Variants in PRL observed in about 807,000 individuals in gnomAD.
PRL encodes the protein decidual prolactin.
A neutral mutation model predicts 21.3 loss-of-function variants in PRL; 24 were observed. The ratio of observed to expected loss-of-function variants is 1.13; its 90% CI spans 0.82 to 1.59. The LOEUF is 1.59. Among genes scored for constraint, PRL ranks in the 40% most tolerant of loss-of-function variants. The pLI, the probability that PRL is intolerant of heterozygous loss-of-function variation, is 0.00. For synonymous variants in PRL, 118 were observed against 115.7 expected (o/e 1.02, Z -0.13); for missense variants, 243 against 286.9 (o/e 0.85, Z 1.10).
chr6:22,294,383 G>C (rs2113511141), intron 2 of PRL, 26 bp downstream of exon 2: 1 of 1,613,262 alleles, frequency 6.2e-7, no homozygotes, highest in South Asian at 1.1e-5. Flanking sequence ...CTCCTTCAGG[G>C]AGGAAGCCAG....
chr6:22,292,782 A>C (rs971790100), intron 2 of PRL, 137 bp from the exon 3 acceptor site: 1 of 684,214 alleles, frequency 1.5e-6, no homozygotes, highest in Admixed American at 3.4e-5. Context: ...AAAACTAAAG[A>C]ATTAAGAAAG....
At chr6:22,289,586 G>A (rs1761004225) in intron 4 of PRL, among the ~76,000 whole-genome samples, 1 of 152,132 alleles carries the variant, frequency 6.6e-6, no homozygotes, top group Non-Finnish European at 1.5e-5. Context: ...TTCCAGAAAA[G>A]GTATATCTCC....
chr6:22,294,468 G>C lies in PRL; in HGVS notation c.145C>G (p.Arg49Gly), dbSNP rs1413761259. 1 of 1,614,032 alleles carries C rather than the reference G, an allele frequency of 6.2e-7. No individual in the cohort carries two copies. The highest frequency in any genetic ancestry group is 1.3e-5 in the African/African-American group (1 of 74,918). ...CQVTLRDLFD[R>G]AVVLSHYIHN... is the part of the protein sequence containing the mutation. Reference sequence around the variant, plus strand: ...ATGTAGTGGGACAGGACGACGGCGCGGTCAAACAGGTCTCGAAGGGTCACC... The same window carrying C: ...ATGTAGTGGGACAGGACGACGGCGCCGTCAAACAGGTCTCGAAGGGTCACC... The change falls in exon 2 of 5, where the codon CGC (arginine) becomes GGC (glycine). Residue 49 changes from arginine (R) to glycine (G), a missense_variant. Coordinates refer to ENST00000306482, the MANE Select transcript of PRL (RefSeq NM_000948.6).
rs770094310 is a variant in PRL at position 22,290,256 on chromosome 6, G to A, written c.410C>T (p.Pro137Leu). The A allele has an allele frequency of 7.4e-6, 12 of 1,612,902 alleles. No individual in the cohort carries two copies. Among genetic ancestry groups the A allele is most frequent in the Admixed American group, 1.7e-5 (1 of 59,984 alleles). Residue 137 changes from proline to leucine, a missense_variant, in exon 4 of 5, where the codon CCG becomes CTG. Physicochemically the swap from Pro to Leu is moderately conservative, Grantham distance 98. Coordinates refer to ENST00000306482, the MANE Select transcript of PRL (RefSeq NM_000948.6). ...TACAGCTTTGGATAGGATAGCCTCC[G>A]GGGCTTCTTGCATACCACGTACTTC... The part of the protein sequence containing the change: ...VTEVRGMQEA[P>L]EAILSKAVEI...
rs144133551 is a variant in PRL, at chr6:22,288,116, T to C, written c.493-523A>G. Among the ~76,000 whole-genome samples the C allele has an allele frequency of 7.6e-4, 116 of 152,276 alleles. No individual in the cohort carries two copies. The highest frequency in any genetic ancestry group is 2.4e-3 in the African/African-American group (99 of 41,538). ...ATGCTTTGGGGTACAGATAATTTAG[T>C]GATGACCATGACTAAGAAAAGCTGC... is the stretch of plus-strand genomic sequence containing the variant. On this transcript the variant is annotated intron_variant, in intron 4 of 4. Coordinates refer to ENST00000306482, the MANE Select transcript of PRL (RefSeq NM_000948.6). This position sits in a 1 kb window ranked among gnomAD's most constrained non-coding sequence, Gnocchi z 4.5.
At chr6:22,295,951 A>C (rs1761164195) in intron 1 of PRL, among the ~76,000 whole-genome samples, 1 of 152,348 alleles carries the variant, frequency 6.6e-6, no homozygotes, top group Non-Finnish European at 1.5e-5. Flanking sequence ...TTGTAAAATA[A>C]AATTTTTGTT....
upstream of PRL, among the ~76,000 whole-genome samples, chr6:22,297,764 A>G (rs1345916701): frequency 1.3e-5 from 2 of 152,224 alleles, no homozygotes; most frequent in East Asian, 3.8e-4. Context: ...AGAAGCTTGG[A>G]GAGACTAAAG....
At chr6:22,299,469 T>C (rs1444321783), upstream of PRL, among the ~76,000 whole-genome samples, 2 of 152,246 alleles carry the variant, frequency 1.3e-5, no homozygotes, top group Non-Finnish European at 2.9e-5. Flanking sequence ...AAAGTTTGTA[T>C]TTTCTTTTGT....
upstream of PRL, among the ~76,000 whole-genome samples, chr6:22,299,525 C>T (rs187666618): frequency 2.6e-5 from 4 of 152,196 alleles, no homozygotes; most frequent in East Asian, 1.9e-4. Context: ...TCTTCTGTCA[C>T]GTATGAAGCA....
chr6:22,293,577 AGGGAGGAAGGAAGGAAGGAG>A (rs1166476852), intron 2 of PRL, among the ~76,000 whole-genome samples: 18 of 148,732 alleles, frequency 1.2e-4, no homozygotes, highest in Non-Finnish European at 2.2e-4. Context: ...AAGAAAAGAA[AGGGAGGAAGGAAGGAAGGAG>A]GGGAGGAAGG....
rs1264002595 is a variant in PRL, at chr6:22,290,356, A to C, written c.313-3T>G. 6.3e-7 allele frequency: 1 copy of C among 1,582,730 alleles called. No individual in the cohort carries two copies. Among genetic ancestry groups the C allele is most frequent in the Non-Finnish European group, 8.6e-7 (1 of 1,157,936 alleles). On this transcript the variant is annotated splice_region_variant and splice_polypyrimidine_tract_variant and intron_variant, in intron 3 of 4. Coordinates refer to ENST00000306482, the MANE Select transcript of PRL (RefSeq NM_000948.6). ...ATCAGGCTCAGAAAGTCTTTTTGCT[A>C]CGAAACCATATAGAACAATTGCATT...
chr6:22,289,852 C>A (rs563836832), intron 4 of PRL, among the ~76,000 whole-genome samples: 3 of 152,244 alleles, frequency 2.0e-5, no homozygotes, highest in Admixed American at 2.0e-4. Context: ...GGATACCCTG[C>A]AGAAAGCATG....
At chr6:22,296,655 A>G (rs1490531925) in intron 1 of PRL, among the ~76,000 whole-genome samples, 1 of 152,196 alleles carries the variant, frequency 6.6e-6, no homozygotes, top group Non-Finnish European at 1.5e-5. Flanking sequence ...GATGTTCAGT[A>G]GCATCTCTCA....
intron 2 of PRL, 139 bp downstream of exon 2, chr6:22,294,270 T>G: frequency 3.3e-6 from 3 of 905,480 alleles, no homozygotes; most frequent in Non-Finnish European, 5.2e-6. Flanking sequence ...CCACATCTTA[T>G]GAGCTGGTGT....
chr6:22,287,275 G>A lies in PRL; in HGVS notation c.*127C>T, dbSNP rs1760939214. 2 of 958,142 alleles carry A rather than the reference G, an allele frequency of 2.1e-6. No individual in the cohort carries two copies. The highest frequency in any genetic ancestry group is 5.4e-5 in the East Asian group (2 of 37,372). The allele number at this position is 958,142 out of a possible 1,614,324, so 59.4% of individuals were successfully genotyped here. On this transcript the variant is annotated 3_prime_UTR_variant, in exon 5 of 5. Coordinates refer to ENST00000306482, the MANE Select transcript of PRL (RefSeq NM_000948.6). Reference sequence around the variant, plus strand: ...AGATTTTGATGTCTCTAAGGAGTCAGTTTTTATTTTTTAAGAGGAGACCTG... The same window carrying A: ...AGATTTTGATGTCTCTAAGGAGTCAATTTTTATTTTTTAAGAGGAGACCTG...
chr6:22,290,147 A>C, intron 4 of PRL, 27 bp downstream of exon 4: 1 of 1,504,868 alleles, frequency 6.6e-7, no homozygotes, highest in Non-Finnish European at 9.0e-7. Context: ...AATGAGAAAA[A>C]CAAAGAAGCA....
At chr6:22,300,409 C>G (rs1054527749), upstream of PRL, among the ~76,000 whole-genome samples, 1 of 152,212 alleles carries the variant, frequency 6.6e-6, no homozygotes, top group African/African-American at 2.4e-5. Flanking sequence ...AGGCTACAAA[C>G]TGCTCAGATG....
At position 22,288,933 on chromosome 6, in the gene PRL, T is replaced by G. The variant is rs1760989254; in HGVS notation, c.492+1241A>C. 1.3e-5 allele frequency among the ~76,000 whole-genome samples: 2 copies of G among 151,794 alleles called. No individual in the cohort carries two copies. The highest frequency in any genetic ancestry group is 4.2e-4 in the South Asian group (2 of 4,812). ...GCGTGTGTGTGCGTGCGCGTGTGTG[T>G]GCATGTGTGTGTGCGTGCGCGTGTG... On this transcript the variant is annotated intron_variant, in intron 4 of 4. Coordinates refer to ENST00000306482, the MANE Select transcript of PRL (RefSeq NM_000948.6). This position sits in a 1 kb window ranked among gnomAD's most constrained non-coding sequence, Gnocchi z 4.5.
In PRL at chr6:22,297,003, A is replaced by G. The variant is rs1358127481; in HGVS notation, c.-21T>C. The G allele has an allele frequency of 6.2e-7, 1 of 1,613,820 alleles. No homozygotes were observed. The highest frequency in any genetic ancestry group is 8.5e-7 in the Non-Finnish European group (1 of 1,179,812). ...TTCATGTTCGTGATCGTTGCAGGAA[A>G]CACACTTCACCAGAGAAGATCTGGA... On this transcript the variant is annotated 5_prime_UTR_variant, in exon 1 of 5. Transcript: ENST00000306482.
Sources: allele counts gnomAD v4.1 joint callset (sites outside exome capture counted in the v4.1 genomes callset), GRCh38; gene constraint gnomAD v4.1.1; non-coding constraint Gnocchi (gnomAD v3.1); transcripts MANE v1.5; gene names NCBI Gene and HGNC (gene_info 2026-07-23, HGNC 2026-07-21).